Variants in DENND5B observed in about 807,000 individuals in gnomAD.
The protein encoded by DENND5B is DENN domain containing 5B, also known as DENN domain-containing protein 5B.
In DENND5B, 34 loss-of-function variants were observed where a neutral mutation model predicts 140.6. The ratio of observed to expected loss-of-function variants is 0.24; its 90% confidence interval spans 0.18 to 0.32. The LOEUF is 0.32. Among genes scored for constraint, DENND5B ranks in the 10% least tolerant of loss-of-function variants. The pLI is 1.00. For missense variants in DENND5B, 1,142 were observed against 1,560.2 expected, an observed-to-expected ratio of 0.73 and a Z score of 4.52; for synonymous variants, 551 against 562.1, an observed-to-expected ratio of 0.98 and a Z score of 0.28.
intron 1 of DENND5B, among the ~76,000 whole-genome samples, chr12:31,581,743 C>G (rs1950215073): frequency 6.9e-6 from 1 of 144,830 alleles, no homozygotes; most frequent in Non-Finnish European, 1.5e-5. Flanking sequence ...ACTGTATAAA[C>G]TAATTGATTT....
chr12:31,419,353 G>A (rs1161746482), intron 11 of DENND5B, among the ~76,000 whole-genome samples: 2 of 152,012 alleles, frequency 1.3e-5, no homozygotes, highest in Non-Finnish European at 1.5e-5. Context: ...GGAGGCAGAG[G>A]CAGGAGAATC....
intron 3 of DENND5B, among the ~76,000 whole-genome samples, chr12:31,463,907 A>T (rs539263410): frequency 1.3e-5 from 2 of 152,256 alleles, no homozygotes; most frequent in African/African-American, 4.8e-5. Context: ...ACCTCAGGTG[A>T]TCCACACGCC....
At position 31,511,921 on chromosome 12, in the gene DENND5B, C is replaced by CTTTTTTTTTTT. The variant is rs761566462; in HGVS notation, c.128-16013_128-16003dup. Among the ~76,000 whole-genome samples the CTTTTTTTTTTT allele has an allele frequency of 8.1e-5, 8 of 98,942 alleles. 1 individual carries two copies. Among genetic ancestry groups the CTTTTTTTTTTT allele is most frequent in the Non-Finnish European group, 1.5e-4 (8 of 54,228 alleles). 64.9% of individuals were successfully genotyped at this position (98,942 alleles called of 152,430 possible). ...AAATAAAAACATCCCCTCCACTGCC[C>CTTTTTTTTTTT]TTTTTTTTTTTTTTTTTTTTGTGAC... is the stretch of plus-strand genomic sequence containing the variant. On this transcript the variant is annotated intron_variant, in intron 1 of 20. Coordinates refer to ENST00000389082, the MANE Select transcript of DENND5B (RefSeq NM_144973.4).
At chr12:31,412,296 A>T (rs1387290662) in intron 13 of DENND5B, among the ~76,000 whole-genome samples, 1 of 152,170 alleles carries the variant, frequency 6.6e-6, no homozygotes, top group Non-Finnish European at 1.5e-5. Flanking sequence ...AAAAGTTAAC[A>T]ATTAATTGAC....
At chr12:31,410,318 CA>C (rs1471538765) in intron 13 of DENND5B, among the ~76,000 whole-genome samples, 4 of 152,212 alleles carry the variant, frequency 2.6e-5, no homozygotes, top group Non-Finnish European at 4.4e-5. Flanking sequence ...TACATTTAAG[CA>C]CTTTCCCAAG....
intron 1 of DENND5B, among the ~76,000 whole-genome samples, chr12:31,530,709 T>C (rs2139080107): frequency 6.6e-6 from 1 of 152,320 alleles, no homozygotes; most frequent in East Asian, 1.9e-4. Context: ...TAAAGCCATG[T>C]TCAGACATAA....
rs376426990 is a variant in DENND5B, at chr12:31,545,045, C to T, written c.127+45661G>A. On this transcript the variant is annotated intron_variant, in intron 1 of 20. Transcript: ENST00000389082. ...GGGAATCAGTTTTTAGACAATCGCC[C>T]CCACCACAGACACACAGAAGCTTCT... Among the ~76,000 whole-genome samples the T allele has an allele frequency of 5.9e-5, 9 of 152,008 alleles. No homozygotes were observed. In the East Asian group the frequency reaches 1.5e-3, roughly 26 times the overall value.
intron 12 of DENND5B, among the ~76,000 whole-genome samples, chr12:31,414,197 T>C (rs1204582442): frequency 6.6e-6 from 1 of 152,180 alleles, no homozygotes; most frequent in Non-Finnish European, 1.5e-5. Context: ...CCAAAGTGCA[T>C]GACCCACTGC....
chr12:31,418,282 C>CTT (rs66507414), intron 11 of DENND5B, among the ~76,000 whole-genome samples: 51,871 of 132,968 alleles, frequency 0.39, 10,928 homozygotes, highest in East Asian at 0.54. Flanking sequence ...TTTTTCTTTT[C>CTT]TTTTTTTTTT....
chr12:31,487,026 T>C (rs1218072794), intron 2 of DENND5B, among the ~76,000 whole-genome samples: 2 of 152,188 alleles, frequency 1.3e-5, no homozygotes, highest in East Asian at 3.8e-4. Flanking sequence ...AATGGAATAA[T>C]ATACCATTTG....
intron 11 of DENND5B, among the ~76,000 whole-genome samples, chr12:31,421,803 T>C (rs1461951998): frequency 6.6e-6 from 1 of 152,098 alleles, no homozygotes; most frequent in Admixed American, 6.6e-5. Context: ...CCGCCTGCCT[T>C]GCCCTCCCAA....
At position 31,398,157 on chromosome 12, in the gene DENND5B, A is replaced by G. The variant is rs1410472453; in HGVS notation, c.3256+18T>C. 1.3e-6 allele frequency: 2 copies of G among 1,559,120 alleles called. No individual in the cohort carries two copies. The highest frequency in any genetic ancestry group is 3.9e-5 in the Admixed American group (2 of 51,184). ...CCTACATCATAGGAGCACATAAGAA[A>G]AATTTAAATAAATTTACTGTTGTTT... On this transcript the variant is annotated intron_variant, in intron 17 of 20. Transcript: ENST00000389082.
intron 7 of DENND5B, among the ~76,000 whole-genome samples, chr12:31,437,069 A>C (rs890278530): frequency 2.0e-5 from 3 of 152,048 alleles, no homozygotes; most frequent in Non-Finnish European, 4.4e-5. Context: ...ATTTTCTATA[A>C]AATCTCCTCT....
intron 2 of DENND5B, among the ~76,000 whole-genome samples, chr12:31,484,732 C>T (rs1222237660): frequency 6.6e-6 from 1 of 151,962 alleles, no homozygotes; most frequent in Non-Finnish European, 1.5e-5. Context: ...ACCTGGGAGG[C>T]GGAGGTTGCA....
At chr12:31,494,086 C>G (rs749490293) in intron 2 of DENND5B, among the ~76,000 whole-genome samples, 3 of 152,004 alleles carry the variant, frequency 2.0e-5, no homozygotes, top group Non-Finnish European at 2.9e-5. Context: ...AATCTGAAAA[C>G]TATGACCTAC....
intron 1 of DENND5B, among the ~76,000 whole-genome samples, chr12:31,522,150 CAG>C (rs1466495041): frequency 5.3e-5 from 8 of 152,178 alleles, no homozygotes; most frequent in Admixed American, 2.6e-4. Context: ...GCTCATGGTG[CAG>C]AGTTACATTC....
intron 1 of DENND5B, among the ~76,000 whole-genome samples, chr12:31,575,383 T>C (rs1191150776): frequency 6.6e-6 from 1 of 152,186 alleles, no homozygotes; most frequent in Non-Finnish European, 1.5e-5. Flanking sequence ...AAAGGAGGAC[T>C]ACATCAGGGA....
intron 19 of DENND5B, 128 bp from the exon 20 acceptor site, chr12:31,389,626 ATTACT>A: frequency 2.4e-6 from 2 of 825,238 alleles, no homozygotes; most frequent in Non-Finnish European, 3.6e-6. Flanking sequence ...AGCCAATATC[ATTACT>A]TTATCATTGA....
intron 1 of DENND5B, among the ~76,000 whole-genome samples, chr12:31,566,767 G>A (rs1040527885): frequency 6.6e-6 from 1 of 152,202 alleles, no homozygotes; most frequent in Non-Finnish European, 1.5e-5. Flanking sequence ...AGGCTACATA[G>A]TAAGTACTAT....
Sources: gnomAD v4.1 joint callset for allele counts (sites outside exome capture counted in the v4.1 genomes callset) on GRCh38, gnomAD v4.1.1 for gene constraint, MANE v1.5 for transcripts, NCBI Gene and HGNC (gene_info 2026-07-23, HGNC 2026-07-21) for gene names.